PDE1A: variants seen among roughly 807,000 people sequenced by gnomAD.
PDE1A encodes phosphodiesterase 1A, also known as dual specificity calcium/calmodulin-dependent 3',5'-cyclic nucleotide phosphodiesterase 1A.
In PDE1A, 35 loss-of-function variants were observed where a neutral mutation model predicts 61.7. The observed-to-expected ratio is 0.57, with a 90% CI of 0.43 to 0.75. The LOEUF (loss-of-function observed/expected upper bound fraction) is 0.75. Ranked by LOEUF, PDE1A falls within the 30% of genes least tolerant of loss-of-function variation. PDE1A has a pLI of 0.00. For synonymous variants in PDE1A, 232 were observed against 213.2 expected (o/e 1.09, Z -0.77); for missense variants, 597 against 630.6 (o/e 0.95, Z 0.57).
chr2:182,654,865 A>G, the PDE1A span, among the ~76,000 whole-genome samples: 1 of 152,058 alleles, frequency 6.6e-6, no homozygotes, highest in Non-Finnish European at 1.5e-5. Context: ...TGTACCTCTA[A>G]TGGGCTTTCC....
chr2:182,326,558 C>A (rs1697061385), intron 1 of PDE1A, among the ~76,000 whole-genome samples: 1 of 152,038 alleles, frequency 6.6e-6, no homozygotes, highest in African/African-American at 2.4e-5. Flanking sequence ...CAGTTGTTCT[C>A]AGAGAATGGT....
intron 2 of PDE1A, among the ~76,000 whole-genome samples, chr2:182,468,597 T>C (rs1280734857): frequency 6.6e-6 from 1 of 152,006 alleles, no homozygotes; most frequent in Non-Finnish European, 1.5e-5. Flanking sequence ...CTTATGTTAA[T>C]GTTGATATTT....
intron 2 of PDE1A, among the ~76,000 whole-genome samples, chr2:182,498,170 C>G (rs1688838803): frequency 6.6e-6 from 1 of 151,562 alleles, no homozygotes; most frequent in African/African-American, 2.4e-5. Context: ...AGAAGGCAGC[C>G]AAGAATCACC....
intron 13 of PDE1A, among the ~76,000 whole-genome samples, chr2:182,161,697 C>A (rs967048547): frequency 4.6e-5 from 7 of 152,004 alleles, no homozygotes; most frequent in Non-Finnish European, 8.8e-5. Flanking sequence ...CAAGGAGGTG[C>A]GCTATACTCC....
intron 1 of PDE1A, among the ~76,000 whole-genome samples, chr2:182,393,774 G>T (rs1458456716): frequency 6.6e-6 from 1 of 152,192 alleles, no homozygotes; most frequent in Non-Finnish European, 1.5e-5. Context: ...CTCCAGGGCA[G>T]GGGCAAAATG....
chr2:182,154,479 A>C (rs75867928), intron 13 of PDE1A, among the ~76,000 whole-genome samples: 8 of 152,310 alleles, frequency 5.3e-5, no homozygotes, highest in Non-Finnish European at 1.0e-4. Flanking sequence ...CTTGAACTTA[A>C]TAATCCCCAC....
the PDE1A span, among the ~76,000 whole-genome samples, chr2:182,654,146 A>T: frequency 6.6e-6 from 1 of 152,158 alleles, no homozygotes; most frequent in Non-Finnish European, 1.5e-5. Context: ...GAGATTGAAA[A>T]CTGCATTTGT....
intron 2 of PDE1A, among the ~76,000 whole-genome samples, chr2:182,258,857 T>C (rs1350265020): frequency 6.6e-6 from 1 of 152,212 alleles, no homozygotes; most frequent in Non-Finnish European, 1.5e-5. Context: ...CCTTGTAATC[T>C]GTCACTGTTG....
At chr2:182,648,074 C>T in the PDE1A span, among the ~76,000 whole-genome samples, 1 of 152,046 alleles carries the variant, frequency 6.6e-6, no homozygotes, top group African/African-American at 2.4e-5. Flanking sequence ...GGCCTCAGCC[C>T]GGACCTACTA....
the PDE1A span, among the ~76,000 whole-genome samples, chr2:182,619,454 G>A: frequency 6.6e-6 from 1 of 151,946 alleles, no homozygotes; most frequent in South Asian, 2.1e-4. Context: ...AGAGAGGAGA[G>A]TAACATGAGC....
chr2:182,308,056 T>C (rs1695712613), intron 1 of PDE1A, among the ~76,000 whole-genome samples: 1 of 152,148 alleles, frequency 6.6e-6, no homozygotes. Flanking sequence ...GACAGTTAAA[T>C]GAAAATTGAA....
At chr2:182,367,303 T>C (rs1312313610) in intron 1 of PDE1A, among the ~76,000 whole-genome samples, 1 of 152,070 alleles carries the variant, frequency 6.6e-6, no homozygotes, top group East Asian at 1.9e-4. Flanking sequence ...CTAGAATCAC[T>C]AGAATCAGAT....
chr2:182,240,128 G>A, exon 3 of PDE1A: 3 of 1,613,540 alleles, frequency 1.9e-6, no homozygotes, highest in African/African-American at 2.7e-5. Flanking sequence ...AAAAATTCCA[G>A]CTTGAACAGC....
the PDE1A span, among the ~76,000 whole-genome samples, chr2:182,569,254 A>AATATATATATATATAT: frequency 5.1e-4 from 71 of 138,584 alleles, 1 homozygote; most frequent in Middle Eastern, 3.8e-3. Context: ...ACCTGTCTCA[A>AATATATATATATATAT]ATATATATAT....
At chr2:182,686,472 G>A in the PDE1A span, among the ~76,000 whole-genome samples, 1 of 152,048 alleles carries the variant, frequency 6.6e-6, no homozygotes, top group African/African-American at 2.4e-5. Flanking sequence ...ATTAATTGTG[G>A]CCATTTTGCA....
At chr2:182,164,753 G>A (rs1691563194), downstream of PDE1A, among the ~76,000 whole-genome samples, 1 of 152,044 alleles carries the variant, frequency 6.6e-6, no homozygotes, top group East Asian at 1.9e-4. Context: ...CATTCCCCAG[G>A]GCAGATTGAT....
chr2:182,171,728 C>G (rs1215829712), intron 13 of PDE1A, among the ~76,000 whole-genome samples: 1 of 151,260 alleles, frequency 6.6e-6, no homozygotes, highest in Non-Finnish European at 1.5e-5. Context: ...TGAACCCAGT[C>G]AAATTCTGGT....
At chr2:182,486,704 G>A (rs62187665) in intron 2 of PDE1A, among the ~76,000 whole-genome samples, 26,451 of 151,940 alleles carry the variant, frequency 0.17, 2,591 homozygotes, top group Middle Eastern at 0.31. Flanking sequence ...TTCAACAAAT[G>A]TTTCCAGGTC....
intron 8 of PDE1A, 55 bp from the exon 9 acceptor site, chr2:182,201,844 G>GTTCCACTTCA: frequency 6.6e-6 from 7 of 1,054,072 alleles, no homozygotes; most frequent in Non-Finnish European, 1.0e-5. Flanking sequence ...GTTCTGAAGT[G>GTTCCACTTCA]GAACACTTCA....
Sources: allele counts gnomAD v4.1 joint callset (sites outside exome capture counted in the v4.1 genomes callset), GRCh38; gene constraint gnomAD v4.1.1; transcripts MANE v1.5; gene names NCBI Gene and HGNC (gene_info 2026-07-23, HGNC 2026-07-21).